Variants in PIP4K2B observed in about 807,000 individuals in gnomAD.
The protein encoded by PIP4K2B is phosphatidylinositol-5-phosphate 4-kinase type 2 beta, also known as phosphatidylinositol 5-phosphate 4-kinase type-2 beta.
PIP4K2B carries 3 observed loss-of-function variants against 42.0 expected under a neutral mutation model. The observed-to-expected ratio is 0.07, with a 90% confidence interval of 0.03 to 0.18. The LOEUF is 0.18. Ranked by LOEUF, PIP4K2B falls within the 10% of genes least tolerant of loss-of-function variation. The probability of loss-of-function intolerance (pLI) is 1.00; values close to 1 mark genes in which losing one functional copy is unlikely to be tolerated. For synonymous variants in PIP4K2B, 204 were observed against 210.1 expected, an observed-to-expected ratio of 0.97 and a Z score of 0.25; for missense variants, 332 against 562.3, an observed-to-expected ratio of 0.59 and a Z score of 4.14.
At chr17:38,773,744 G>C (rs139550984) in intron 7 of PIP4K2B, among the ~76,000 whole-genome samples, 6 of 152,302 alleles carry the variant, frequency 3.9e-5, no homozygotes, top group Admixed American at 2.0e-4. Flanking sequence ...CTTGGAAGAG[G>C]AAGGGAGGGA....
Position 38,767,178 on chromosome 17 carries a change from G to A in PIP4K2B, c.*2513C>T, listed in dbSNP as rs995218813. On this transcript the variant is annotated 3_prime_UTR_variant, in exon 10 of 10. Coordinates refer to ENST00000619039, the MANE Select transcript of PIP4K2B (RefSeq NM_003559.5). The stretch of plus-strand genomic sequence containing the variant: ...CTCGACTGCCCAGTAAAAGAATGGC[G>A]GGACCCAAGGAGGAAAGAGTGGGGG... 1.3e-5 allele frequency: 2 copies of A among 152,198 alleles called. No individual in the cohort carries two copies. The highest frequency in any genetic ancestry group is 4.8e-5 in the African/African-American group (2 of 41,444). 9.4% of individuals were successfully genotyped at this position (152,198 alleles called of 1,614,324 possible).
intron 1 of PIP4K2B, among the ~76,000 whole-genome samples, chr17:38,787,997 T>C (rs1910129971): frequency 6.6e-6 from 1 of 152,206 alleles, no homozygotes; most frequent in Admixed American, 6.5e-5. Flanking sequence ...AATAAATATT[T>C]GTCATATGCA....
chr17:38,789,509 C>G (rs1252611592), intron 1 of PIP4K2B, among the ~76,000 whole-genome samples: 1 of 152,136 alleles, frequency 6.6e-6, no homozygotes. Flanking sequence ...CCTTGCAAAT[C>G]CTGTTATCTC....
At chr17:38,776,363 G>T (rs947780382) in intron 7 of PIP4K2B, among the ~76,000 whole-genome samples, 1 of 152,216 alleles carries the variant, frequency 6.6e-6, no homozygotes, top group African/African-American at 2.4e-5. Context: ...AGGGGGAATT[G>T]GGAATTAGTA....
At chr17:38,776,574 C>T (rs541451798) in intron 7 of PIP4K2B, 36 of 411,632 alleles carry the variant, frequency 8.7e-5, no homozygotes, top group East Asian at 5.0e-4. Context: ...TGCAGTGAGC[C>T]GAGATCGTGC....
chr17:38,798,410 G>C (rs540040314), intron 1 of PIP4K2B, among the ~76,000 whole-genome samples: 2 of 152,164 alleles, frequency 1.3e-5, no homozygotes, highest in Non-Finnish European at 2.9e-5. Context: ...CCAACTTCCT[G>C]GCAGGGGCTG....
At chr17:38,781,318 G>A (rs1909699037) in intron 3 of PIP4K2B, among the ~76,000 whole-genome samples, 1 of 151,938 alleles carries the variant, frequency 6.6e-6, no homozygotes, top group African/African-American at 2.4e-5. Flanking sequence ...TCAGAGAGCA[G>A]TAGAAGCCTT....
intron 1 of PIP4K2B, among the ~76,000 whole-genome samples, chr17:38,791,046 G>A (rs564543075): frequency 6.6e-6 from 1 of 152,206 alleles, no homozygotes; most frequent in East Asian, 1.9e-4. Context: ...AAAAGAAACA[G>A]GAGGCTTATA....
In PIP4K2B at chr17:38,787,325, T is replaced by A. The variant is rs1296287419; in HGVS notation, c.160-405A>T. On this transcript the variant is annotated intron_variant, in intron 1 of 9. Transcript: ENST00000619039. ...ACCACACCTGGCCCCTCCCTGCCTT[T>A]ATTTCTGTTCTTCTCTTCAAGTAAG... 5.3e-5 allele frequency among the ~76,000 whole-genome samples: 8 copies of A among 152,278 alleles called. No homozygotes were observed. The East Asian group carries it at 1.5e-3, about 29-fold the overall frequency.
At chr17:38,788,966 C>T (rs1910194529) in intron 1 of PIP4K2B, among the ~76,000 whole-genome samples, 1 of 149,670 alleles carries the variant, frequency 6.7e-6, no homozygotes, top group Admixed American at 6.7e-5. Context: ...AAAAATTAAA[C>T]ACATTAGCCA....
chr17:38,777,839 T>A, intron 6 of PIP4K2B, 39 bp from the exon 7 acceptor site: 1 of 1,412,344 alleles, frequency 7.1e-7, no homozygotes, highest in Non-Finnish European at 1.0e-6. Flanking sequence ...TAAGCCTGAT[T>A]AATTCACCCC....
Position 38,767,699 on chromosome 17 carries a change from C to T in PIP4K2B, c.*1992G>A, listed in dbSNP as rs1002020420. On this transcript the variant is annotated 3_prime_UTR_variant, in exon 10 of 10. Coordinates refer to ENST00000619039, the MANE Select transcript of PIP4K2B (RefSeq NM_003559.5). ...CGGAGGCTGCTGGAAGACAGCTTTC[C>T]AAGCTTCAGAGATGCTGCGCCTGAC... 6 of 152,234 alleles carry T rather than the reference C, an allele frequency of 3.9e-5. No homozygotes were observed. Among genetic ancestry groups the T allele is most frequent in the African/African-American group, 1.4e-4 (6 of 41,452 alleles). The allele number at this position is 152,234 out of a possible 1,614,324, so 9.4% of individuals were successfully genotyped here. A position where few individuals can be genotyped will look rare whatever the true frequency, so the allele number is the denominator to read the frequency against.
In PIP4K2B at chr17:38,782,954, G is replaced by A. The variant is rs370135177; in HGVS notation, c.354+1289C>T. On this transcript the variant is annotated intron_variant, in intron 3 of 9. Transcript: ENST00000619039. ...TGTAATCCCAGCACTTTGGGAGGCC[G>A]AGGCAGGCAGATCACAAGGTCAGGA... is the stretch of plus-strand genomic sequence containing the variant. Among the ~76,000 whole-genome samples, 14 of 152,072 alleles carry A rather than the reference G, an allele frequency of 9.2e-5. No homozygotes were observed. The South Asian group carries it at 1.9e-3, about 20-fold the overall frequency.
chr17:38,777,539 G>C lies in PIP4K2B; in HGVS notation c.807+148C>G, dbSNP rs1909430287. The stretch of plus-strand genomic sequence containing the variant: ...GAATGATCATTTGCACTTGCTTTAG[G>C]TGCCCATAAGTGCCCACGCTGCTCA... On this transcript the variant is annotated intron_variant, in intron 7 of 9. Transcript: ENST00000619039. 6.4e-6 allele frequency: 4 copies of C among 626,434 alleles called. No individual in the cohort carries two copies. In the Middle Eastern group the frequency reaches 8.2e-4, roughly 129 times the overall value. The allele number at this position is 626,434 out of a possible 1,614,324, so 38.8% of individuals were successfully genotyped here. A position where few individuals can be genotyped will look rare whatever the true frequency, so the allele number is the denominator to read the frequency against.
chr17:38,785,977 T>C (rs527605415), intron 2 of PIP4K2B, among the ~76,000 whole-genome samples: 2 of 152,268 alleles, frequency 1.3e-5, no homozygotes, highest in African/African-American at 2.4e-5. Context: ...GTGGCAGCTA[T>C]GGAGACAGAC....
At chr17:38,777,919 C>T in intron 6 of PIP4K2B, 119 bp from the exon 7 acceptor site, 1 of 722,726 alleles carries the variant, frequency 1.4e-6, no homozygotes, top group African/African-American at 1.7e-5. Context: ...AGTGTACCGA[C>T]CCTCAACCTG....
chr17:38,788,264 G>C (rs538159690), intron 1 of PIP4K2B, among the ~76,000 whole-genome samples: 2 of 151,578 alleles, frequency 1.3e-5, no homozygotes, highest in African/African-American at 4.9e-5. Flanking sequence ...ACAGTGGTGC[G>C]ATCTCAGCTC....
chr17:38,790,364 C>T (rs564479319), intron 1 of PIP4K2B, among the ~76,000 whole-genome samples: 18 of 152,272 alleles, frequency 1.2e-4, no homozygotes, highest in South Asian at 6.2e-4. Flanking sequence ...AGCCTGGCTC[C>T]GAGACTTAAA....
chr17:38,798,821 G>A (rs1425597203), intron 1 of PIP4K2B, among the ~76,000 whole-genome samples: 1 of 152,200 alleles, frequency 6.6e-6, no homozygotes, highest in Non-Finnish European at 1.5e-5. Context: ...ACAACCAAAC[G>A]ATCAGAAAGA....
Sources: gnomAD v4.1 joint callset for allele counts (sites outside exome capture counted in the v4.1 genomes callset) on GRCh38, gnomAD v4.1.1 for gene constraint, MANE v1.5 for transcripts, NCBI Gene and HGNC (gene_info 2026-07-23, HGNC 2026-07-21) for gene names.